The following GFM1 variants were observed in gnomAD, a reference collection of about 807,000 sequenced individuals.
The protein encoded by GFM1 is G elongation factor mitochondrial 1.
Under a neutral mutation model 96.2 loss-of-function variants are expected in GFM1, and 62 were observed. The ratio of observed to expected loss-of-function variants is 0.64; its 90% CI spans 0.53 to 0.80. The LOEUF (loss-of-function observed/expected upper bound fraction) is 0.80. Among genes scored for constraint, GFM1 ranks in the 30% least tolerant of loss-of-function variants. GFM1 has a pLI of 0.00. For synonymous variants in GFM1, 282 were observed against 312.9 expected (o/e 0.90, Z 1.04); for missense variants, 852 against 916.6 (o/e 0.93, Z 0.91).
chr3:158,683,131 A>ATTTT (rs1201799851), intron 14 of GFM1, among the ~76,000 whole-genome samples: 1 of 151,930 alleles, frequency 6.6e-6, no homozygotes, highest in Admixed American at 6.6e-5. Context: ...TCTTATTAAC[A>ATTTT]GGTTATAATT....
chr3:158,688,421 CAG>C (rs1726045419), intron 15 of GFM1, among the ~76,000 whole-genome samples: 1 of 152,146 alleles, frequency 6.6e-6, no homozygotes, highest in African/African-American at 2.4e-5. Flanking sequence ...GGATGTGAAA[CAG>C]AACCAGAAAG....
chr3:158,690,158 C>G lies in GFM1; in HGVS notation c.1910-5C>G. 1 of 1,596,560 alleles carries G rather than the reference C, an allele frequency of 6.3e-7. No homozygotes were observed. The highest frequency in any genetic ancestry group is 8.5e-7 in the Non-Finnish European group (1 of 1,170,340). On this transcript the variant is annotated splice_polypyrimidine_tract_variant and splice_region_variant and intron_variant, in intron 15 of 17. Transcript: ENST00000486715. ...CTAATGAACTTTTTTTTTTTTTTAA[C>G]CCAGCCTTGGCAAATGCAACATTAT...
Position 158,695,297 on chromosome 3 carries a change from C to A in GFM1, c.*3830C>A, listed in dbSNP as rs1459821049. ...GCTGAGGCAGGAGGGTCGCTTGAAC[C>A]CGGAAGGCGGAGGCTATAGTGAGCT... On this transcript the variant is annotated 3_prime_UTR_variant, in exon 18 of 18. Transcript: ENST00000486715. The A allele has an allele frequency of 6.6e-6, 1 of 152,166 alleles. No homozygotes were observed. Among genetic ancestry groups the A allele is most frequent in the East Asian group, 1.9e-4 (1 of 5,180 alleles). 9.4% of individuals were successfully genotyped at this position (152,166 alleles called of 1,614,324 possible).
chr3:158,686,528 A>G (rs1352329259), intron 15 of GFM1, among the ~76,000 whole-genome samples: 1 of 149,914 alleles, frequency 6.7e-6, no homozygotes, highest in Non-Finnish European at 1.5e-5. Context: ...AGCATGTGTA[A>G]TGGTAAGATT....
intron 13 of GFM1, 139 bp from the exon 14 acceptor site, chr3:158,681,856 A>G (rs1358812702): frequency 6.3e-6 from 5 of 794,850 alleles, no homozygotes; most frequent in East Asian, 2.7e-5. Flanking sequence ...AATAAATTCT[A>G]CAATAAACTT....
intron 10 of GFM1, among the ~76,000 whole-genome samples, chr3:158,661,192 A>G (rs554354930): frequency 6.6e-6 from 1 of 152,270 alleles, no homozygotes; most frequent in Non-Finnish European, 1.5e-5. Flanking sequence ...TTCATAGTAA[A>G]AAGGAAAACT....
At position 158,687,075 on chromosome 3, in the gene GFM1, T is replaced by C. The variant is rs577320077; in HGVS notation, c.1909+2407T>C. Among the ~76,000 whole-genome samples the C allele has an allele frequency of 4.9e-4, 74 of 152,226 alleles. 2 individuals are homozygous for C. The Middle Eastern group carries it at 0.02, about 42-fold the overall frequency. On this transcript the variant is annotated intron_variant, in intron 15 of 17. Coordinates refer to ENST00000486715, the MANE Select transcript of GFM1 (RefSeq NM_024996.7). Reference sequence around the variant, plus strand: ...TGGAGTGCAGTGTTATGATCTTGACTTACTGCAACCTCGAATTCCTGGGCT... The same window carrying C: ...TGGAGTGCAGTGTTATGATCTTGACCTACTGCAACCTCGAATTCCTGGGCT...
intron 11 of GFM1, among the ~76,000 whole-genome samples, chr3:158,663,011 A>G (rs1723316659): frequency 6.6e-6 from 1 of 152,158 alleles, no homozygotes; most frequent in African/African-American, 2.4e-5. Flanking sequence ...ACTTCTCCTA[A>G]GTTGTAGTAA....
At chr3:158,679,566 A>C (rs1251524296) in intron 13 of GFM1, among the ~76,000 whole-genome samples, 1 of 152,226 alleles carries the variant, frequency 6.6e-6, no homozygotes. Flanking sequence ...TAAAGCAACT[A>C]AAGGATGAAA....
intron 13 of GFM1, chr3:158,668,970 T>G: frequency 6.4e-7 from 1 of 1,556,526 alleles, no homozygotes. Flanking sequence ...ACCCCATTAA[T>G]AGTGTATTTT....
intron 9 of GFM1, 95 bp downstream of exon 9, chr3:158,659,154 G>T: frequency 7.4e-7 from 1 of 1,348,900 alleles, no homozygotes; most frequent in Non-Finnish European, 1.1e-6. Context: ...AATTAATTCT[G>T]GTTAAATATA....
intron 13 of GFM1, chr3:158,668,987 A>G: frequency 6.3e-7 from 1 of 1,599,522 alleles, no homozygotes; most frequent in Non-Finnish European, 8.5e-7. Flanking sequence ...TTTTATAGAA[A>G]CTACTTACCA....
chr3:158,668,182 G>T (rs954170812), intron 13 of GFM1, among the ~76,000 whole-genome samples: 1 of 152,102 alleles, frequency 6.6e-6, no homozygotes, highest in Admixed American at 6.5e-5. Flanking sequence ...AAAATGCACG[G>T]ATGCCCAAGT....
At chr3:158,682,837 C>T (rs1725523027) in intron 14 of GFM1, among the ~76,000 whole-genome samples, 1 of 151,922 alleles carries the variant, frequency 6.6e-6, no homozygotes, top group Non-Finnish European at 1.5e-5. Flanking sequence ...CCAGCGTGGG[C>T]AACATGCTGA....
chr3:158,665,332 T>TA lies in GFM1; in HGVS notation c.1381-2dup. 1 of 1,605,490 alleles carries TA rather than the reference T, an allele frequency of 6.2e-7. No homozygotes were observed. Among genetic ancestry groups the TA allele is most frequent in the Non-Finnish European group, 8.5e-7 (1 of 1,172,458 alleles). On this transcript the variant is annotated splice_region_variant and splice_polypyrimidine_tract_variant and intron_variant, in intron 11 of 17. Transcript: ENST00000486715. ...ACATATAGTGACTTTCTTCTTCTTT[T>TA]AAAGAACGATCTGGAAAAATTTTCA...
chr3:158,683,996 A>G (rs1725621389), intron 14 of GFM1, among the ~76,000 whole-genome samples: 1 of 152,236 alleles, frequency 6.6e-6, no homozygotes, highest in Non-Finnish European at 1.5e-5. Flanking sequence ...TGTGGTACAA[A>G]CACACCAATA....
chr3:158,664,667 A>G (rs773189983), intron 11 of GFM1, among the ~76,000 whole-genome samples: 2 of 152,204 alleles, frequency 1.3e-5, no homozygotes, highest in Admixed American at 1.3e-4. Context: ...ATTATGTTGT[A>G]TCCACCTAGA....
At chr3:158,672,767 G>A (rs1017471488) in intron 13 of GFM1, 8 of 329,776 alleles carry the variant, frequency 2.4e-5, no homozygotes, top group Non-Finnish European at 4.7e-5. Context: ...GGAGAGGCCA[G>A]CATGCTTGTC....
intron 13 of GFM1, among the ~76,000 whole-genome samples, chr3:158,676,356 G>C (rs1332827233): frequency 6.6e-6 from 1 of 152,014 alleles, no homozygotes; most frequent in African/African-American, 2.4e-5. Context: ...GGTTAAAAGT[G>C]GTGATTAATA....
Sources: allele counts gnomAD v4.1 joint callset (sites outside exome capture counted in the v4.1 genomes callset), GRCh38; gene constraint gnomAD v4.1.1; transcripts MANE v1.5; gene names NCBI Gene and HGNC (gene_info 2026-07-23, HGNC 2026-07-21).